PLXDC2: variants seen among roughly 807,000 people sequenced by gnomAD.
PLXDC2 encodes the protein plexin domain containing 2.
In PLXDC2, 40 loss-of-function variants were observed where a neutral mutation model predicts 68.9. The observed-to-expected ratio is 0.58, with a 90% CI of 0.45 to 0.76. The LOEUF (loss-of-function observed/expected upper bound fraction) is 0.76, where lower values mean the gene tolerates loss of function less well. Among genes scored for constraint, PLXDC2 ranks in the 30% least tolerant of loss-of-function variants. The pLI, the probability that PLXDC2 is intolerant of heterozygous loss-of-function variation, is 0.00. For missense variants in PLXDC2, 644 were observed against 661.9 expected (o/e 0.97, Z 0.30); for synonymous variants, 243 against 234.2 (o/e 1.04, Z -0.34).
At chr10:20,176,752 G>A (rs1268882094) in intron 7 of PLXDC2, among the ~76,000 whole-genome samples, 1 of 151,924 alleles carries the variant, frequency 6.6e-6, no homozygotes, top group African/African-American at 2.4e-5. Flanking sequence ...AGAATGAGTC[G>A]AAGCCTTAAT....
At chr10:20,107,128 A>G (rs1423260541) in intron 4 of PLXDC2, among the ~76,000 whole-genome samples, 1 of 150,250 alleles carries the variant, frequency 6.7e-6, no homozygotes, top group South Asian at 2.1e-4. Context: ...GCTGTATACT[A>G]TATACTATGT....
chr10:20,020,265 C>T (rs1472827220), intron 2 of PLXDC2, among the ~76,000 whole-genome samples: 1 of 147,558 alleles, frequency 6.8e-6, no homozygotes, highest in African/African-American at 2.5e-5. Context: ...AGCAATCCTC[C>T]TGCCTCAGCC....
rs201538420 is a variant in PLXDC2, at chr10:20,097,803, G to C, written c.541+29564G>C. On this transcript the variant is annotated intron_variant, in intron 4 of 13. Coordinates refer to ENST00000377252, the MANE Select transcript of PLXDC2 (RefSeq NM_032812.9). ...TATATTCTCTTGAAATGGAAATATAGGAAGAGTTATTGCTTTGCTTTACAA... is the reference window on the plus strand; with the variant it reads ...TATATTCTCTTGAAATGGAAATATACGAAGAGTTATTGCTTTGCTTTACAA... Among the ~76,000 whole-genome samples the C allele has an allele frequency of 1.5e-4, 23 of 151,868 alleles. No individual in the cohort carries two copies. In the East Asian group the frequency reaches 4.3e-3, roughly 28 times the overall value.
intron 1 of PLXDC2, among the ~76,000 whole-genome samples, chr10:19,990,028 G>A (rs1834720242): frequency 6.6e-6 from 1 of 152,000 alleles, no homozygotes; most frequent in African/African-American, 2.4e-5. Flanking sequence ...GATTACAGGT[G>A]TGAGCCACCG....
At chr10:20,221,064 A>G (rs1278092454) in intron 12 of PLXDC2, among the ~76,000 whole-genome samples, 1 of 151,874 alleles carries the variant, frequency 6.6e-6, no homozygotes, top group African/African-American at 2.4e-5. Flanking sequence ...GCTGGTCTTG[A>G]ACTCCTGACC....
At chr10:20,097,360 T>A (rs1337062065) in intron 4 of PLXDC2, among the ~76,000 whole-genome samples, 1 of 151,976 alleles carries the variant, frequency 6.6e-6, no homozygotes, top group Non-Finnish European at 1.5e-5. Context: ...ATGAAAAAAA[T>A]TTAATAACCG....
chr10:19,850,962 A>G (rs1329699305), intron 1 of PLXDC2, among the ~76,000 whole-genome samples: 3 of 152,224 alleles, frequency 2.0e-5, no homozygotes, highest in African/African-American at 7.2e-5. Context: ...CATGCCAAGC[A>G]TTCAGGTATG....
intron 6 of PLXDC2, among the ~76,000 whole-genome samples, chr10:20,158,501 C>CAAAAAAAAAAAAAAAAAAAAAAAA (rs59079629): frequency 5.1e-5 from 6 of 118,776 alleles, no homozygotes; most frequent in African/African-American, 9.4e-5. Flanking sequence ...TCTGTCTCTG[C>CAAAAAAAAAAAAAAAAAAAAAAAA]AAAAAAAAAA....
intron 4 of PLXDC2, among the ~76,000 whole-genome samples, chr10:20,084,503 G>A (rs1323777477): frequency 3.3e-5 from 5 of 152,080 alleles, no homozygotes; most frequent in Non-Finnish European, 7.4e-5. Context: ...AGGGTAGTGG[G>A]ATGAGAAGAC....
At chr10:20,015,409 T>C (rs1348890243) in intron 2 of PLXDC2, among the ~76,000 whole-genome samples, 3 of 152,188 alleles carry the variant, frequency 2.0e-5, no homozygotes, top group Non-Finnish European at 4.4e-5. Flanking sequence ...TGTATGTGCA[T>C]ACTCAACATG....
At chr10:20,006,687 T>C (rs1329377197) in intron 2 of PLXDC2, among the ~76,000 whole-genome samples, 1 of 152,230 alleles carries the variant, frequency 6.6e-6, no homozygotes, top group Non-Finnish European at 1.5e-5. Flanking sequence ...TGACAGTATT[T>C]TTTCTGGCTC....
At chr10:20,251,432 G>T (rs975735044) in intron 13 of PLXDC2, among the ~76,000 whole-genome samples, 1 of 152,088 alleles carries the variant, frequency 6.6e-6, no homozygotes, top group Admixed American at 6.5e-5. Flanking sequence ...AGATCTTGAT[G>T]AAACTAGTAT....
chr10:19,822,284 A>G (rs1006285402), intron 1 of PLXDC2, among the ~76,000 whole-genome samples: 9 of 149,552 alleles, frequency 6.0e-5, no homozygotes, highest in African/African-American at 2.2e-4. Context: ...TATGCACTAT[A>G]TATGCAATAT....
chr10:20,202,318 A>T (rs11011863), intron 9 of PLXDC2, among the ~76,000 whole-genome samples: 71,988 of 151,864 alleles, frequency 0.47, 17,244 homozygotes, highest in Middle Eastern at 0.56. Context: ...GTTCAAAGAC[A>T]CTATATTGGA....
At chr10:19,963,319 G>A (rs1180832965) in intron 1 of PLXDC2, among the ~76,000 whole-genome samples, 1 of 152,116 alleles carries the variant, frequency 6.6e-6, no homozygotes, top group Non-Finnish European at 1.5e-5. Flanking sequence ...GGGCATGATG[G>A]AAAATGTCCA....
intron 1 of PLXDC2, among the ~76,000 whole-genome samples, chr10:19,959,817 T>C (rs1315685948): frequency 6.6e-6 from 1 of 152,088 alleles, no homozygotes; most frequent in Non-Finnish European, 1.5e-5. Context: ...TGTTCAACAC[T>C]TTCACCCCCA....
intron 1 of PLXDC2, among the ~76,000 whole-genome samples, chr10:19,976,776 A>G (rs552081932): frequency 1.3e-5 from 2 of 151,194 alleles, no homozygotes; most frequent in East Asian, 3.9e-4. Context: ...TGGGTGGTCT[A>G]TTATTGAGTT....
At chr10:20,163,411 T>A (rs2131813817) in intron 6 of PLXDC2, among the ~76,000 whole-genome samples, 1 of 151,938 alleles carries the variant, frequency 6.6e-6, no homozygotes, top group South Asian at 2.1e-4. Flanking sequence ...TTGTATTGTA[T>A]TGTATTATAT....
In PLXDC2 at chr10:20,082,812, A is replaced by G. The variant is rs189976025; in HGVS notation, c.541+14573A>G. Among the ~76,000 whole-genome samples, 108 of 152,308 alleles carry G rather than the reference A, an allele frequency of 7.1e-4. 1 individual carries two copies. In the Middle Eastern group the frequency reaches 0.017, roughly 24 times the overall value. ...AGGATGTTCAGGTTTTGGACAGGTT[A>G]AATAAACTACTGGGAACCCATAGAG... On this transcript the variant is annotated intron_variant, in intron 4 of 13. Coordinates refer to ENST00000377252, the MANE Select transcript of PLXDC2 (RefSeq NM_032812.9).
Sources: gnomAD v4.1 joint callset for allele counts (sites outside exome capture counted in the v4.1 genomes callset) on GRCh38, gnomAD v4.1.1 for gene constraint, MANE v1.5 for transcripts, NCBI Gene and HGNC (gene_info 2026-07-23, HGNC 2026-07-21) for gene names.